Variants in SGCD observed in about 807,000 individuals in gnomAD.
SGCD encodes sarcoglycan delta, also known as delta-sarcoglycan.
A neutral mutation model predicts 36.6 loss-of-function variants in SGCD; 18 were observed. The observed-to-expected ratio is 0.49, with a 90% CI of 0.34 to 0.73. SGCD has a LOEUF of 0.73. Ranked by LOEUF, SGCD falls within the 30% of genes least tolerant of loss-of-function variation. SGCD has a pLI of 0.01. For synonymous variants in SGCD, 133 were observed against 130.6 expected (o/e 1.02, Z -0.12); for missense variants, 387 against 346.7 (o/e 1.12, Z -0.92).
intron 3 of SGCD, among the ~76,000 whole-genome samples, chr5:156,188,675 C>CG (rs749626885): frequency 1.6e-5 from 2 of 128,944 alleles, no homozygotes; most frequent in African/African-American, 2.8e-5. Flanking sequence ...ACCGCCCCCC[C>CG]CGACACACAT....
In SGCD at chr5:156,230,110, T is replaced by C. The variant is rs148396654; in HGVS notation, c.-43-99424T>C. Among the ~76,000 whole-genome samples, 45 of 152,298 alleles carry C rather than the reference T, an allele frequency of 3.0e-4. No individual in the cohort carries two copies. In the East Asian group the frequency reaches 3.9e-3, roughly 13 times the overall value. On this transcript the variant is annotated intron_variant, in intron 3 of 9. Transcript: ENST00000517913. The stretch of plus-strand genomic sequence containing the variant: ...CCTTACATTTGGCTTCACCTTTCTC[T>C]GGTGCTTCCCCTTTCTCTGGTGCTT...
At position 156,103,450 on chromosome 5, in the gene SGCD, CTTCTCAG is replaced by C. The variant is rs149087395; in HGVS notation, c.-281-14425_-281-14419del. On this transcript the variant is annotated intron_variant, in intron 1 of 9. Coordinates refer to the SGCD transcript ENST00000517913. Reference sequence around the variant, plus strand: ...GATGCATTGATTCATGTCTTTATTTCTTCTCAGTTTAACACATAATAAAAAATTAAAT... The same window carrying C: ...GATGCATTGATTCATGTCTTTATTTCTTTAACACATAATAAAAAATTAAAT... Among the ~76,000 whole-genome samples the C allele has an allele frequency of 6.0e-3, 906 of 152,200 alleles. 3 individuals carry two copies. The highest frequency in any genetic ancestry group is 0.021 in the African/African-American group (854 of 41,540).
At chr5:156,267,119 G>A (rs1272634373) in intron 3 of SGCD, among the ~76,000 whole-genome samples, 1 of 152,118 alleles carries the variant, frequency 6.6e-6, no homozygotes, top group Admixed American at 6.6e-5. Context: ...TTTGTAAGAT[G>A]GGGGTATCAA....
chr5:156,620,460 A>C (rs1205735723), intron 6 of SGCD, among the ~76,000 whole-genome samples: 2 of 152,252 alleles, frequency 1.3e-5, no homozygotes, highest in African/African-American at 4.8e-5. Context: ...TGTTTTTAAA[A>C]ACTTGAACAA....
At position 156,348,066 on chromosome 5, in the gene SGCD, G is replaced by A. The variant is rs180717784; in HGVS notation, c.192+3389G>A. ...TAAAAGCATATTTTCCATCAATCAT[G>A]GTATAAAGGATATTCTTTTAGAATT... is the stretch of plus-strand genomic sequence containing the variant. On this transcript the variant is annotated intron_variant, in intron 3 of 8. Coordinates refer to ENST00000337851, the MANE Select transcript of SGCD (RefSeq NM_000337.6). Among the ~76,000 whole-genome samples the A allele has an allele frequency of 4.1e-3, 623 of 152,156 alleles. 9 individuals are homozygous for A. The highest frequency in any genetic ancestry group is 0.014 in the African/African-American group (564 of 41,514).
chr5:155,984,465 G>A (rs999277228), intron 1 of SGCD, among the ~76,000 whole-genome samples: 12 of 152,284 alleles, frequency 7.9e-5, no homozygotes, highest in South Asian at 6.2e-4. Context: ...GTACATGACC[G>A]TTTCTATAAT....
chr5:156,390,305 G>A (rs1036379821), intron 3 of SGCD, among the ~76,000 whole-genome samples: 4 of 152,248 alleles, frequency 2.6e-5, no homozygotes, highest in East Asian at 1.9e-4. Flanking sequence ...TGACAACTTC[G>A]TACACATTAT....
At chr5:156,384,693 T>C (rs1771181842) in intron 3 of SGCD, among the ~76,000 whole-genome samples, 1 of 152,186 alleles carries the variant, frequency 6.6e-6, no homozygotes, top group African/African-American at 2.4e-5. Flanking sequence ...CCACTATTAT[T>C]GTCAATGGTA....
chr5:156,384,858 C>A (rs575406818), intron 3 of SGCD, among the ~76,000 whole-genome samples: 1 of 152,124 alleles, frequency 6.6e-6, no homozygotes. Context: ...AAAGAAGGAG[C>A]CTGGGGCTTG....
intron 3 of SGCD, among the ~76,000 whole-genome samples, chr5:156,177,395 G>A (rs1763500155): frequency 6.6e-6 from 1 of 152,130 alleles, no homozygotes; most frequent in African/African-American, 2.4e-5. Context: ...TATTTAAAAT[G>A]GAAAATACCT....
At chr5:156,507,587 G>A (rs1003501501) in intron 3 of SGCD, among the ~76,000 whole-genome samples, 5 of 152,264 alleles carry the variant, frequency 3.3e-5, no homozygotes. Context: ...AATTGCATCT[G>A]AATCTGATCA....
chr5:156,612,511 G>A (rs138752096), intron 6 of SGCD, among the ~76,000 whole-genome samples: 125 of 152,350 alleles, frequency 8.2e-4, no homozygotes, highest in African/African-American at 2.9e-3. Context: ...TCACCAGCAG[G>A]CTGACTGTTG....
chr5:155,871,384 T>G (rs1231163448), intron 1 of SGCD, among the ~76,000 whole-genome samples: 3 of 152,196 alleles, frequency 2.0e-5, no homozygotes, highest in Non-Finnish European at 4.4e-5. Flanking sequence ...TTGCGACCTC[T>G]CTGCCGAAGT....
intron 1 of SGCD, among the ~76,000 whole-genome samples, chr5:155,952,275 C>T (rs1410615136): frequency 6.6e-6 from 1 of 152,066 alleles, no homozygotes; most frequent in Non-Finnish European, 1.5e-5. Flanking sequence ...GTTAAGGTCA[C>T]TTTCATTCCC....
At chr5:155,753,804 C>A in the SGCD span, among the ~76,000 whole-genome samples, 1 of 151,332 alleles carries the variant, frequency 6.6e-6, no homozygotes, top group African/African-American at 2.4e-5. Context: ...TCTATTATAC[C>A]CTGGATACAC....
chr5:156,624,814 G>T (rs374498494), intron 6 of SGCD, among the ~76,000 whole-genome samples: 2 of 152,000 alleles, frequency 1.3e-5, no homozygotes, highest in Non-Finnish European at 2.9e-5. Flanking sequence ...TGATGCAAGC[G>T]AGAAAGGCCA....
chr5:156,365,805 A>G (rs1770067785), intron 3 of SGCD, among the ~76,000 whole-genome samples: 1 of 152,232 alleles, frequency 6.6e-6, no homozygotes, highest in Non-Finnish European at 1.5e-5. Context: ...GTATACATAA[A>G]TACATGTAAA....
chr5:156,630,050 A>G (rs533384359), intron 6 of SGCD, among the ~76,000 whole-genome samples: 2 of 151,868 alleles, frequency 1.3e-5, no homozygotes, highest in East Asian at 1.9e-4. Flanking sequence ...TTTAGTAGAG[A>G]TGGGGTTTCA....
intron 3 of SGCD, among the ~76,000 whole-genome samples, chr5:156,226,315 C>T (rs558885424): frequency 3.3e-5 from 5 of 152,198 alleles, no homozygotes; most frequent in South Asian, 2.1e-4. Flanking sequence ...TGAGAACATC[C>T]GATGTTTGGT....
Sources: gnomAD v4.1 joint callset for allele counts (sites outside exome capture counted in the v4.1 genomes callset) on GRCh38, gnomAD v4.1.1 for gene constraint, MANE v1.5 for transcripts, NCBI Gene and HGNC (gene_info 2026-07-23, HGNC 2026-07-21) for gene names.